NEK6: variants seen among roughly 807,000 people sequenced by gnomAD.
The protein encoded by NEK6 is serine/threonine-protein kinase Nek6.
A neutral mutation model predicts 43.5 loss-of-function variants in NEK6; 27 were observed. The observed-to-expected ratio is 0.62, with a 90% CI of 0.46 to 0.86. The LOEUF (loss-of-function observed/expected upper bound fraction) is 0.86, where lower values mean the gene tolerates loss of function less well. Among genes scored for constraint, NEK6 ranks in the 40% least tolerant of loss-of-function variants. The pLI is 0.00. For synonymous variants in NEK6, 167 were observed against 164.1 expected, an observed-to-expected ratio of 1.02 and a Z score of -0.14; for missense variants, 318 against 414.4, an observed-to-expected ratio of 0.77 and a Z score of 2.02.
chr9:124,317,249 C>G (rs1833864294), intron 4 of NEK6, among the ~76,000 whole-genome samples: 1 of 152,168 alleles, frequency 6.6e-6, no homozygotes, highest in African/African-American at 2.4e-5. Context: ...AGAGGATTTT[C>G]TTTTCTTTCT....
At chr9:124,302,945 T>C (rs1833067256) in intron 2 of NEK6, among the ~76,000 whole-genome samples, 1 of 152,236 alleles carries the variant, frequency 6.6e-6, no homozygotes, top group African/African-American at 2.4e-5. Context: ...TGCATGTGTG[T>C]GCTGTGTACC....
At chr9:124,350,346 CTG>C (rs772841921) in intron 9 of NEK6, among the ~76,000 whole-genome samples, 1 of 150,088 alleles carries the variant, frequency 6.7e-6, no homozygotes, top group Non-Finnish European at 1.5e-5. Flanking sequence ...CCTTCAGTGT[CTG>C]TATAATTAAA....
chr9:124,271,776 C>T (rs1212338827), intron 1 of NEK6, among the ~76,000 whole-genome samples: 1 of 152,266 alleles, frequency 6.6e-6, no homozygotes, highest in East Asian at 1.9e-4. Flanking sequence ...CAGACCTCAG[C>T]GCTGCTGCCT....
chr9:124,290,292 C>T (rs2119044515), intron 1 of NEK6, among the ~76,000 whole-genome samples: 1 of 152,340 alleles, frequency 6.6e-6, no homozygotes, highest in African/African-American at 2.4e-5. Flanking sequence ...GGATCTGTGG[C>T]CACCTCCTCA....
At chr9:124,288,205 C>T (rs539435134) in intron 1 of NEK6, among the ~76,000 whole-genome samples, 31 of 152,324 alleles carry the variant, frequency 2.0e-4, no homozygotes, top group Admixed American at 1.8e-3. Flanking sequence ...GCAGGGATAT[C>T]GCTGTTGCGT....
chr9:124,280,594 C>T lies in NEK6; in HGVS notation c.-29-21342C>T, dbSNP rs559439626. 1.5e-3 allele frequency among the ~76,000 whole-genome samples: 224 copies of T among 152,306 alleles called. 1 individual carries two copies. The highest frequency in any genetic ancestry group is 2.4e-3 in the Non-Finnish European group (162 of 68,024). On this transcript the variant is annotated intron_variant, in intron 1 of 9. Transcript: ENST00000320246. ...ACATGGGTGTGACGTTTTCCAAGCA[C>T]GAGGTGACCAGTGTCCATTGGGTCA... is the stretch of plus-strand genomic sequence containing the variant.
chr9:124,262,496 T>G (rs1277236278), intron 1 of NEK6, among the ~76,000 whole-genome samples: 6 of 152,254 alleles, frequency 3.9e-5, no homozygotes, highest in Non-Finnish European at 7.3e-5. Context: ...CGCCATTGTC[T>G]CCAATTCTGG....
intron 1 of NEK6, among the ~76,000 whole-genome samples, chr9:124,277,740 CGAGA>C (rs1831703744): frequency 6.6e-6 from 1 of 152,210 alleles, no homozygotes; most frequent in South Asian, 2.1e-4. Context: ...TTCCTGGGGA[CGAGA>C]GAGGCCCGCG....
intron 1 of NEK6, among the ~76,000 whole-genome samples, chr9:124,284,174 C>A (rs1199602334): frequency 2.6e-5 from 4 of 152,180 alleles, no homozygotes; most frequent in Admixed American, 2.6e-4. Context: ...CATGTTGAAA[C>A]CCTGTCTCTA....
At chr9:124,317,357 G>C (rs1833869606) in intron 4 of NEK6, among the ~76,000 whole-genome samples, 1 of 152,206 alleles carries the variant, frequency 6.6e-6, no homozygotes, top group East Asian at 1.9e-4. Flanking sequence ...GGAATAACAG[G>C]TGTGCACCAC....
At chr9:124,334,245 G>A (rs1031252024) in intron 7 of NEK6, among the ~76,000 whole-genome samples, 12 of 152,230 alleles carry the variant, frequency 7.9e-5, no homozygotes, top group African/African-American at 2.9e-4. Context: ...ATGGATGGGT[G>A]ATGGACAGAC....
At chr9:124,282,239 G>C (rs1831944937) in intron 1 of NEK6, among the ~76,000 whole-genome samples, 1 of 152,192 alleles carries the variant, frequency 6.6e-6, no homozygotes, top group African/African-American at 2.4e-5. Context: ...CTTCTGGCAG[G>C]CGCTAGCCAC....
At chr9:124,292,168 C>T in intron 1 of NEK6, 1 of 1,243,274 alleles carries the variant, frequency 8.0e-7, no homozygotes, top group South Asian at 1.8e-5. Context: ...GGGAACCAGG[C>T]CCCAGGGACC....
intron 2 of NEK6, 130 bp downstream of exon 2, chr9:124,302,184 T>A: frequency 1.6e-6 from 1 of 642,686 alleles, no homozygotes; most frequent in Non-Finnish European, 2.6e-6. Context: ...CTTGAATGCT[T>A]CCAGTGATGG....
intron 4 of NEK6, among the ~76,000 whole-genome samples, chr9:124,314,740 T>C (rs139419575): frequency 0.023 from 3,536 of 152,244 alleles, 54 homozygotes; most frequent in East Asian, 0.083. Flanking sequence ...CAATCTCTGC[T>C]CACTGCAATC....
intron 5 of NEK6, among the ~76,000 whole-genome samples, chr9:124,322,509 T>G (rs142874106): frequency 2.0e-5 from 3 of 151,988 alleles, no homozygotes; most frequent in Non-Finnish European, 2.9e-5. Context: ...CTCAGAGAGG[T>G]CTAGTCTCCT....
Position 124,326,297 on chromosome 9 carries a change from G to T in NEK6, c.406-33G>T. On this transcript the variant is annotated intron_variant, in intron 5 of 9. Transcript: ENST00000320246. The surrounding 1 kb of genome is among the most constrained non-coding windows in gnomAD (Gnocchi z 4.5). ...ACCCACCTCCAAGCCCGCTCACCCGGGCCTATCCCTCTGCTTGTCTCCCCC... is the reference window on the plus strand; with the variant it reads ...ACCCACCTCCAAGCCCGCTCACCCGTGCCTATCCCTCTGCTTGTCTCCCCC... 2.0e-6 allele frequency: 3 copies of T among 1,479,826 alleles called. No individual in the cohort carries two copies. The highest frequency in any genetic ancestry group is 1.8e-6 in the Non-Finnish European group (2 of 1,081,164). 91.7% of individuals were successfully genotyped at this position (1,479,826 alleles called of 1,614,324 possible).
intron 1 of NEK6, chr9:124,261,721 G>A (rs1831037903): frequency 5.5e-6 from 2 of 361,054 alleles, no homozygotes; most frequent in African/African-American, 2.2e-5. Flanking sequence ...GGGCCATGTT[G>A]TGCCCCCCTG....
chr9:124,274,794 G>C (rs1475081068), intron 1 of NEK6, among the ~76,000 whole-genome samples: 1 of 152,188 alleles, frequency 6.6e-6, no homozygotes, highest in Non-Finnish European at 1.5e-5. Flanking sequence ...CCGGTCTGAC[G>C]CACTGTGCTT....
Sources: gnomAD v4.1 joint callset for allele counts (sites outside exome capture counted in the v4.1 genomes callset) on GRCh38, gnomAD v4.1.1 for gene constraint, Gnocchi (gnomAD v3.1) non-coding constraint, MANE v1.5 for transcripts, NCBI Gene and HGNC (gene_info 2026-07-23, HGNC 2026-07-21) for gene names.